The following TRAP1 variants were observed in gnomAD, a reference collection of about 807,000 sequenced individuals.
TRAP1 encodes TNF receptor associated protein 1.
A neutral mutation model predicts 89.1 loss-of-function variants in TRAP1; 102 were observed. The observed-to-expected ratio is 1.15, with a 90% CI of 0.98 to 1.35. TRAP1 has a LOEUF of 1.35. Ranked by LOEUF, TRAP1 falls within the 40% of genes most tolerant of loss-of-function variation. TRAP1 has a pLI of 0.00. For missense variants in TRAP1, 1,256 were observed against 945.3 expected (o/e 1.33, Z -4.31); for synonymous variants, 508 against 388.0 (o/e 1.31, Z -3.64).
chr16:3,700,317 G>A (rs2051348653), intron 1 of TRAP1, among the ~76,000 whole-genome samples: 1 of 151,378 alleles, frequency 6.6e-6, no homozygotes, highest in South Asian at 2.1e-4. Context: ...ACAGGCATGT[G>A]CCACCACGCC....
Position 3,675,367 on chromosome 16 carries a change from C to T in TRAP1, c.845G>A (p.Ser282Asn), listed in dbSNP as rs1408082069. Residue 282 changes from serine (S) to asparagine (N), a missense_variant, in exon 8 of 18, where the codon AGC (serine) becomes AAC (asparagine). By Grantham distance (46) the Ser-to-Asn change is conservative. Coordinates refer to ENST00000246957, the MANE Select transcript of TRAP1 (RefSeq NM_016292.3). The part of the protein sequence containing the change: ...DVVTKYSNFV[S>N]FPLYLNGRRM... ...CCTTCCATTCAAGTACAAGGGGAAG[C>T]TGACGAAGTTGCTGTACTTCGTTAC... The T allele has an allele frequency of 6.2e-7, 1 of 1,614,126 alleles. No homozygotes were observed. The highest frequency in any genetic ancestry group is 1.3e-5 in the African/African-American group (1 of 75,050).
chr16:3,697,810 G>T (rs1467970001), intron 1 of TRAP1, among the ~76,000 whole-genome samples: 1 of 147,678 alleles, frequency 6.8e-6, no homozygotes, highest in Non-Finnish European at 1.5e-5. Context: ...TTTTCCTCGA[G>T]AAGGTCTTGC....
At chr16:3,661,804 A>G in intron 16 of TRAP1, 183 bp downstream of exon 16, 1 of 671,532 alleles carries the variant, frequency 1.5e-6, no homozygotes, top group Non-Finnish European at 2.2e-6. Context: ...GGGGATGGTA[A>G]GGGGCTGGCC....
intron 11 of TRAP1, 49 bp from the exon 12 acceptor site, chr16:3,666,167 A>G: frequency 6.3e-7 from 1 of 1,575,278 alleles, no homozygotes. Context: ...TCTATGAAAT[A>G]CAAATGGCCA....
intron 11 of TRAP1, among the ~76,000 whole-genome samples, chr16:3,670,614 G>A (rs2050900744): frequency 6.6e-6 from 1 of 152,144 alleles, no homozygotes; most frequent in Non-Finnish European, 1.5e-5. Flanking sequence ...TGAGGTGGAA[G>A]GATTGCTTGA....
chr16:3,675,965 G>A lies in TRAP1; in HGVS notation c.814+71C>T. On this transcript the variant is annotated intron_variant, in intron 7 of 17. Coordinates refer to ENST00000246957, the MANE Select transcript of TRAP1 (RefSeq NM_016292.3). The stretch of plus-strand genomic sequence containing the variant: ...ACGTGCAGGTAGAACCAGGGAAAAT[G>A]CCTGCTGACCTGGTGGCCTCCAGGC... 7 of 1,336,606 alleles carry A rather than the reference G, an allele frequency of 5.2e-6. No individual in the cohort carries two copies. The Middle Eastern group carries it at 1.3e-3, about 245-fold the overall frequency. The allele number at this position is 1,336,606 out of a possible 1,614,324, so 82.8% of individuals were successfully genotyped here.
intron 16 of TRAP1, 147 bp from the exon 17 acceptor site, chr16:3,659,012 G>C: frequency 1.3e-6 from 1 of 764,046 alleles, no homozygotes; most frequent in Non-Finnish European, 2.1e-6. Context: ...ATCATTTATA[G>C]ATAATATCAT....
chr16:3,700,310 G>T (rs1296205594), intron 1 of TRAP1, among the ~76,000 whole-genome samples: 2 of 151,732 alleles, frequency 1.3e-5, no homozygotes, highest in Non-Finnish European at 2.9e-5. Flanking sequence ...TGAGATTACA[G>T]GCATGTGCCA....
chr16:3,705,373 AC>A (rs2051428129), intron 1 of TRAP1, among the ~76,000 whole-genome samples: 1 of 151,580 alleles, frequency 6.6e-6, no homozygotes, highest in Non-Finnish European at 1.5e-5. Context: ...CCGGACAACT[AC>A]AGAACATTTT....
In TRAP1 at chr16:3,679,165, C is replaced by T. The variant is rs111895685; in HGVS notation, c.543+554G>A. On this transcript the variant is annotated intron_variant, in intron 5 of 17. Coordinates refer to ENST00000246957, the MANE Select transcript of TRAP1 (RefSeq NM_016292.3). ...AATTGGCCAGGCGTGGTGGCTCGTG[C>T]CTGTAATCCCAGCTACTTGGGAGGC... Among the ~76,000 whole-genome samples, 580 of 152,176 alleles carry T rather than the reference C, an allele frequency of 3.8e-3. 2 individuals carry two copies. The highest frequency in any genetic ancestry group is 0.013 in the African/African-American group (558 of 41,530).
intron 13 of TRAP1, chr16:3,663,824 A>G: frequency 2.1e-6 from 1 of 474,280 alleles, no homozygotes; most frequent in Middle Eastern, 5.8e-4. Flanking sequence ...CTGTAATCCC[A>G]GCACTTTGGG....
intron 1 of TRAP1, among the ~76,000 whole-genome samples, chr16:3,709,919 G>A (rs989423012): frequency 6.6e-6 from 1 of 152,138 alleles, no homozygotes. Context: ...CAAAGTGCTG[G>A]GATTACAGGC....
rs192442674 is a variant in TRAP1 at position 3,698,577 on chromosome 16, C to A, written c.89-7592G>T. Among the ~76,000 whole-genome samples the A allele has an allele frequency of 1.8e-4, 28 of 151,616 alleles. No homozygotes were observed. The East Asian group carries it at 5.6e-3, about 30-fold the overall frequency. On this transcript the variant is annotated intron_variant, in intron 1 of 17. Transcript: ENST00000246957. ...TCAGCCTCCCAAAGTGCTGGGATTA[C>A]AGGCGTGAGCCACCGCGCCCGGCTT...
At chr16:3,692,499 G>A (rs2151271578) in intron 1 of TRAP1, among the ~76,000 whole-genome samples, 1 of 147,558 alleles carries the variant, frequency 6.8e-6, no homozygotes, top group Non-Finnish European at 1.5e-5. Flanking sequence ...TCGTGCCGCT[G>A]CACTACAGGC....
intron 11 of TRAP1, among the ~76,000 whole-genome samples, chr16:3,667,171 G>C (rs954977478): frequency 2.0e-5 from 3 of 152,144 alleles, no homozygotes; most frequent in African/African-American, 7.2e-5. Context: ...ATGGGTGTCA[G>C]AGCCCAAGAA....
intron 1 of TRAP1, among the ~76,000 whole-genome samples, chr16:3,702,619 C>G (rs2051381577): frequency 6.6e-6 from 1 of 151,598 alleles, no homozygotes; most frequent in South Asian, 2.1e-4. Flanking sequence ...TGACACGCAC[C>G]TGTAGTTCCA....
At chr16:3,664,120 G>T (rs114728738) in intron 13 of TRAP1, 154 bp downstream of exon 13, 6 of 767,376 alleles carry the variant, frequency 7.8e-6, no homozygotes, top group South Asian at 2.5e-5. Context: ...GGAAACAGCC[G>T]TCACAGTCGG....
intron 16 of TRAP1, chr16:3,661,355 C>G (rs1313089794): frequency 6.6e-6 from 1 of 151,956 alleles, no homozygotes; most frequent in East Asian, 1.9e-4. Flanking sequence ...CGAGGGAAAT[C>G]TTACGGCTCA....
intron 4 of TRAP1, among the ~76,000 whole-genome samples, chr16:3,681,778 T>C (rs995075240): frequency 5.3e-5 from 8 of 152,214 alleles, no homozygotes; most frequent in Non-Finnish European, 1.2e-4. Context: ...CTATTTTCAA[T>C]TTATTTTTAT....
Sources: gnomAD v4.1 joint callset for allele counts (sites outside exome capture counted in the v4.1 genomes callset) on GRCh38, gnomAD v4.1.1 for gene constraint, MANE v1.5 for transcripts, NCBI Gene and HGNC (gene_info 2026-07-23, HGNC 2026-07-21) for gene names.